SYN2: variants seen among roughly 807,000 people sequenced by gnomAD.
SYN2 encodes the protein synapsin-2.
In SYN2, 19 loss-of-function variants were observed where a neutral mutation model predicts 50.9. The ratio of observed to expected loss-of-function variants is 0.37; its 90% CI spans 0.26 to 0.55. SYN2 has a LOEUF of 0.55. Ranked by LOEUF, SYN2 falls within the 20% of genes least tolerant of loss-of-function variation. The probability of loss-of-function intolerance (pLI) is 0.81; values close to 1 mark genes in which losing one functional copy is unlikely to be tolerated. For missense variants in SYN2, 587 were observed against 576.4 expected, an observed-to-expected ratio of 1.02 and a Z score of -0.19; for synonymous variants, 255 against 224.9, an observed-to-expected ratio of 1.13 and a Z score of -1.20.
intron 1 of SYN2, among the ~76,000 whole-genome samples, chr3:12,057,247 G>A (rs575380743): frequency 2.2e-4 from 33 of 151,470 alleles, no homozygotes; most frequent in South Asian, 8.3e-4. Flanking sequence ...AGCCAAGATC[G>A]TGCCACTGCA....
At chr3:12,152,991 C>T (rs1697346111) in intron 5 of SYN2, 1 of 199,928 alleles carries the variant, frequency 5.0e-6, no homozygotes, top group South Asian at 1.1e-4. Context: ...AAATGACTCC[C>T]CCAAACAGAT....
At chr3:12,024,136 C>T (rs999977167) in intron 1 of SYN2, among the ~76,000 whole-genome samples, 3 of 148,812 alleles carry the variant, frequency 2.0e-5, no homozygotes, top group Non-Finnish European at 4.4e-5. Flanking sequence ...AGCCTTCTGT[C>T]CATCATTACT....
chr3:12,004,934 T>A lies in SYN2; in HGVS notation c.377+6T>A. 1 of 538,096 alleles carries A rather than the reference T, an allele frequency of 1.9e-6. No homozygotes were observed. The highest frequency in any genetic ancestry group is 3.3e-6 in the Non-Finnish European group (1 of 306,534). 33.3% of individuals were successfully genotyped at this position (538,096 alleles called of 1,614,324 possible). A position where few individuals can be genotyped will look rare whatever the true frequency, so the allele number is the denominator to read the frequency against. On this transcript the variant is annotated splice_donor_region_variant and intron_variant, in intron 1 of 12. Transcript: ENST00000621198. ...GACGAGCCGCACGCCGACTGGTAGGTGCCGGGCGCCGCCGCCCTCGGGGGT... is the reference window on the plus strand; with the variant it reads ...GACGAGCCGCACGCCGACTGGTAGGAGCCGGGCGCCGCCGCCCTCGGGGGT...
intron 9 of SYN2, among the ~76,000 whole-genome samples, chr3:12,168,766 C>T (rs1302310932): frequency 1.3e-5 from 2 of 152,190 alleles, no homozygotes; most frequent in East Asian, 3.8e-4. Context: ...GCTCATTTTA[C>T]AGGTGAGGAA....
chr3:12,029,185 G>C (rs1315144911), intron 1 of SYN2, among the ~76,000 whole-genome samples: 1 of 123,090 alleles, frequency 8.1e-6, no homozygotes, highest in Non-Finnish European at 1.6e-5. Flanking sequence ...TCAGATAGTT[G>C]TAGGTATGCG....
intron 7 of SYN2, among the ~76,000 whole-genome samples, chr3:12,162,626 C>G (rs1051858523): frequency 1.3e-5 from 2 of 152,070 alleles, no homozygotes; most frequent in Non-Finnish European, 2.9e-5. Context: ...CTCTGGGATC[C>G]CATGTACTCT....
intron 7 of SYN2, among the ~76,000 whole-genome samples, chr3:12,166,520 C>T (rs1697802595): frequency 6.6e-6 from 1 of 152,174 alleles, no homozygotes; most frequent in Admixed American, 6.5e-5. Flanking sequence ...CTAGTTGACA[C>T]CAACACATAT....
intron 1 of SYN2, among the ~76,000 whole-genome samples, chr3:12,094,091 G>T (rs956282074): frequency 6.6e-6 from 1 of 152,080 alleles, no homozygotes; most frequent in Non-Finnish European, 1.5e-5. Flanking sequence ...CTGACCTCAG[G>T]TGATCCGCCC....
At chr3:12,125,345 T>C (rs1334455164) in intron 1 of SYN2, among the ~76,000 whole-genome samples, 1 of 152,206 alleles carries the variant, frequency 6.6e-6, no homozygotes, top group East Asian at 1.9e-4. Flanking sequence ...TAAGGCATAA[T>C]ATAAAGTGAC....
At chr3:12,081,730 A>G (rs1040771816) in intron 1 of SYN2, among the ~76,000 whole-genome samples, 2 of 152,134 alleles carry the variant, frequency 1.3e-5, no homozygotes, top group African/African-American at 4.8e-5. Context: ...CCCCTCTTCC[A>G]CCAATCCTCA....
chr3:12,087,335 A>G (rs1695724692), intron 1 of SYN2, among the ~76,000 whole-genome samples: 2 of 152,174 alleles, frequency 1.3e-5, no homozygotes, highest in Non-Finnish European at 2.9e-5. Flanking sequence ...TTCCAATGTC[A>G]TTTTTCATAG....
intron 1 of SYN2, among the ~76,000 whole-genome samples, chr3:12,127,620 CA>C (rs1696699877): frequency 6.6e-6 from 1 of 152,142 alleles, no homozygotes; most frequent in South Asian, 2.1e-4. Flanking sequence ...GAACTGGCAC[CA>C]GTTGGAAAAT....
At chr3:12,016,056 A>G (rs1205736131) in intron 1 of SYN2, among the ~76,000 whole-genome samples, 1 of 152,254 alleles carries the variant, frequency 6.6e-6, no homozygotes. Flanking sequence ...GAAGGCCCTC[A>G]ATAACACAAC....
intron 1 of SYN2, among the ~76,000 whole-genome samples, chr3:12,097,451 A>G (rs377304904): frequency 2.0e-4 from 31 of 151,822 alleles, no homozygotes; most frequent in African/African-American, 3.4e-4. Context: ...CTAAAAATAC[A>G]AAAAATTGGC....
At chr3:12,034,461 T>C (rs1393388574) in intron 1 of SYN2, among the ~76,000 whole-genome samples, 2 of 152,192 alleles carry the variant, frequency 1.3e-5, no homozygotes, top group Non-Finnish European at 2.9e-5. Context: ...TCTTAGTCTG[T>C]TTTGTGTTGC....
chr3:12,153,376 C>T, intron 5 of SYN2: 2 of 998,732 alleles, frequency 2.0e-6, no homozygotes, highest in Non-Finnish European at 3.1e-6. Context: ...CCTGCCTTGA[C>T]AGTGGCCAGA....
intron 1 of SYN2, among the ~76,000 whole-genome samples, chr3:12,110,157 C>A (rs13064800): frequency 0.049 from 7,509 of 152,238 alleles, 211 homozygotes; most frequent in Non-Finnish European, 0.066. Flanking sequence ...CACTGTATTC[C>A]ATCCTGGGCA....
intron 5 of SYN2, among the ~76,000 whole-genome samples, chr3:12,159,899 C>T (rs765734071): frequency 3.3e-5 from 5 of 151,746 alleles, no homozygotes; most frequent in Middle Eastern, 3.4e-3. Flanking sequence ...AAAAGTTAGC[C>T]GGGCGTGGTG....
At chr3:12,146,117 A>G (rs1051098395) in intron 4 of SYN2, among the ~76,000 whole-genome samples, 2 of 152,232 alleles carry the variant, frequency 1.3e-5, no homozygotes, top group African/African-American at 4.8e-5. Context: ...GCCTCACAAC[A>G]AAGTCGCACA....
Sources: gnomAD v4.1 joint callset for allele counts (sites outside exome capture counted in the v4.1 genomes callset) on GRCh38, gnomAD v4.1.1 for gene constraint, MANE v1.5 for transcripts, NCBI Gene and HGNC (gene_info 2026-07-23, HGNC 2026-07-21) for gene names.